The following KRT27 variants were observed in gnomAD, a reference collection of about 807,000 sequenced individuals.
KRT27 encodes keratin 27.
KRT27 carries 30 observed loss-of-function variants against 45.3 expected under a neutral mutation model. The observed-to-expected ratio is 0.66, with a 90% CI of 0.50 to 0.90. The LOEUF (loss-of-function observed/expected upper bound fraction) is 0.90, where lower values mean the gene tolerates loss of function less well. Among genes scored for constraint, KRT27 ranks in the 40% least tolerant of loss-of-function variants. The pLI, the probability that KRT27 is intolerant of heterozygous loss-of-function variation, is 0.00. For missense variants in KRT27, 610 were observed against 564.3 expected, an observed-to-expected ratio of 1.08 and a Z score of -0.82; for synonymous variants, 204 against 223.9, an observed-to-expected ratio of 0.91 and a Z score of 0.79.
In KRT27 at chr17:40,782,280, A is replaced by AG. The variant is rs775705164; in HGVS notation, c.213dup (p.Phe72LeufsTer5). 13 of 1,614,054 alleles carry AG rather than the reference A, an allele frequency of 8.1e-6. No individual in the cohort carries two copies. The highest frequency in any genetic ancestry group is 9.3e-6 in the Non-Finnish European group (11 of 1,180,014). ...AGGAGGCCGTGCTCATTCCCTGTGA[A>AG]GGCAGCACAGGAAGCACTTCCCCCG... is the stretch of plus-strand genomic sequence containing the variant. On this transcript the variant is annotated frameshift_variant, in exon 1 of 8. Coordinates refer to ENST00000301656, the MANE Select transcript of KRT27 (RefSeq NM_181537.4). LOFTEE classifies it high-confidence loss of function.
rs139257917 is a variant in KRT27, at chr17:40,777,612, C to T, written c.1093G>A (p.Glu365Lys). The T allele has an allele frequency of 3.1e-5, 50 of 1,614,108 alleles. No individual in the cohort carries two copies. Among genetic ancestry groups the T allele is most frequent in the African/African-American group, 2.4e-4 (18 of 75,042 alleles). The change falls in exon 6 of 8, where the codon GAG becomes AAG. Residue 365 changes from glutamate (E) to lysine (K), a missense_variant. Physicochemically the swap from Glu to Lys is moderately conservative, Grantham distance 56. Transcript: ENST00000301656. ...TGCTCATACTCGAGCTTCTGGCCCTCGGTCTCGGTTCTGACCTGGTGCAGC... is the reference window on the plus strand; with the variant it reads ...TGCTCATACTCGAGCTTCTGGCCCTTGGTCTCGGTTCTGACCTGGTGCAGC... ...EQLHQVRTETEGQKLEYEQLL... is the reference protein window; with the variant it reads ...EQLHQVRTETKGQKLEYEQLL...
rs2038277562 is a variant in KRT27, at chr17:40,777,690, A to T, written c.1015T>A (p.Tyr339Asn). ...TGGATCTGTGCCAGCTGTGCACAGT[A>T]GTTACTCTCGGTCTCTGTCAAGGAG... ...ECSLTETESN[Y>N]CAQLAQIQAQ... The change falls in exon 6 of 8, where the codon TAC (tyrosine) becomes AAC (asparagine). Residue 339 changes from tyrosine to asparagine, a missense_variant. Transcript: ENST00000301656. The T allele has an allele frequency of 1.2e-6, 2 of 1,614,114 alleles. No individual in the cohort carries two copies. The highest frequency in any genetic ancestry group is 4.5e-5 in the East Asian group (2 of 44,882).
chr17:40,780,716 G>A (rs1948543485), intron 2 of KRT27, among the ~76,000 whole-genome samples: 1 of 152,176 alleles, frequency 6.6e-6, no homozygotes, highest in South Asian at 2.1e-4. Flanking sequence ...GGGCGCAGTG[G>A]TGGGCGCCTG....
chr17:40,779,376 G>T, intron 5 of KRT27, 126 bp downstream of exon 5: 1 of 1,194,064 alleles, frequency 8.4e-7, no homozygotes. Context: ...ATGCAAATAT[G>T]TCTTATGTCA....
At position 40,779,549 on chromosome 17, in the gene KRT27, G is replaced by A. The variant is rs1449484740; in HGVS notation, c.925C>T (p.Arg309Cys). The A allele has an allele frequency of 2.5e-6, 4 of 1,614,232 alleles. No individual in the cohort carries two copies. Among genetic ancestry groups the A allele is most frequent in the Non-Finnish European group, 2.5e-6 (3 of 1,180,028 alleles). Residue 309 changes from arginine (R) to cysteine (C), a missense_variant, in exon 5 of 8, where the codon CGC (arginine) becomes TGC (cysteine). Arg to Cys is a radical substitution (Grantham distance 180). Transcript: ENST00000301656. The stretch of plus-strand genomic sequence containing the variant: ...TCAATCTCAAGGGTTTGAAGAGTGC[G>A]TTTCATCTCGATAAGCTCATTCCGG... ...SARNELIEMK[R>C]TLQTLEIELQ...
intron 3 of KRT27, 64 bp downstream of exon 3, chr17:40,780,236 C>T: frequency 1.4e-6 from 2 of 1,458,744 alleles, no homozygotes; most frequent in Non-Finnish European, 1.9e-6. Flanking sequence ...TATTTATCAT[C>T]TGAAATTAGT....
intron 6 of KRT27, 103 bp from the exon 7 acceptor site, chr17:40,777,405 A>T: frequency 6.6e-7 from 1 of 1,515,856 alleles, no homozygotes. Flanking sequence ...AATAACACTA[A>T]AAGAGTATTA....
chr17:40,781,207 C>T lies in KRT27; in HGVS notation c.508G>A (p.Ala170Thr), dbSNP rs766611501. 2 of 1,610,696 alleles carry T rather than the reference C, an allele frequency of 1.2e-6. No individual in the cohort carries two copies. Among genetic ancestry groups the T allele is most frequent in the East Asian group, 4.5e-5 (2 of 44,800 alleles). Residue 170 changes from alanine to threonine, a missense_variant, in exon 2 of 8, where the codon GCT becomes ACT. By Grantham distance (58) the Ala-to-Thr change is moderately conservative. Coordinates refer to ENST00000301656, the MANE Select transcript of KRT27 (RefSeq NM_181537.4). ...ACTTACTTTAGTCTGAAGTCATCAG[C>T]TGTTAGTCTTGCATTATCATTTTGC... ...VLQNDNARLTADDFRLKFENE... is the reference protein window; with the variant it reads ...VLQNDNARLTTDDFRLKFENE...
rs2038293697 is a variant in KRT27, at chr17:40,779,692, G to A, written c.846+8C>T. 1 of 1,613,494 alleles carries A rather than the reference G, an allele frequency of 6.2e-7. No homozygotes were observed. The highest frequency in any genetic ancestry group is 1.7e-5 in the Admixed American group (1 of 59,912). ...TCCGCGCCCGGGCGCACCCAAGCGT[G>A]GTTTTACCTTTTCGTTGAACCAGGC... is the stretch of plus-strand genomic sequence containing the variant. On this transcript the variant is annotated splice_region_variant and intron_variant, in intron 4 of 7. Coordinates refer to ENST00000301656, the MANE Select transcript of KRT27 (RefSeq NM_181537.4).
intron 5 of KRT27, chr17:40,777,969 A>G (rs1156395474): frequency 1.9e-6 from 1 of 530,686 alleles, no homozygotes; most frequent in East Asian, 3.4e-5. Context: ...TGTGCTAAAA[A>G]AGATGAAATT....
chr17:40,780,546 G>A (rs1412497044), intron 2 of KRT27, 90 bp from the exon 3 acceptor site: 9 of 1,215,080 alleles, frequency 7.4e-6, no homozygotes, highest in South Asian at 5.4e-5. Context: ...TAAGCTTTGA[G>A]GTAAAACTAC....
At chr17:40,781,332 G>T in intron 1 of KRT27, 62 bp from the exon 2 acceptor site, 2 of 949,784 alleles carry the variant, frequency 2.1e-6, no homozygotes, top group Non-Finnish European at 3.3e-6. Context: ...AAAGTTCCTT[G>T]AAATAAAATT....
rs776437171 is a variant in KRT27 at position 40,782,384 on chromosome 17, C to A, written c.110G>T (p.Gly37Val). The A allele has an allele frequency of 7.6e-5, 122 of 1,614,034 alleles. No homozygotes were observed. The highest frequency in any genetic ancestry group is 1.0e-4 in the Non-Finnish European group (118 of 1,180,044). The change falls in exon 1 of 8, where the codon GGT becomes GTT. Residue 37 changes from glycine to valine, a missense_variant. Physicochemically the swap from Gly to Val is moderately radical, Grantham distance 109. Coordinates refer to ENST00000301656, the MANE Select transcript of KRT27 (RefSeq NM_181537.4). Reference protein sequence around the residue: ...GAGFGAGNTCGVPGIGSGFSC... With the variant: ...GAGFGAGNTCVVPGIGSGFSC... ...GAAGCCACTTCCAATGCCTGGCACA[C>A]CGCATGTGTTTCCAGCCCCAAAGCC...
At position 40,777,000 on chromosome 17, in the gene KRT27, C is replaced by A. The variant is rs745847428; in HGVS notation, c.1379G>T (p.Ter460LeuextTer12). 6.2e-7 allele frequency: 1 copy of A among 1,605,460 alleles called. No homozygotes were observed. The highest frequency in any genetic ancestry group is 1.1e-5 in the South Asian group (1 of 90,214). Residue 460 changes from the stop codon to leucine (L), a stop_lost, in exon 8 of 8, where the codon TGA (stop) becomes TTA (leucine). Coordinates refer to ENST00000301656, the MANE Select transcript of KRT27 (RefSeq NM_181537.4). ...NNKNEQRVSS[*>L] ...CCATTCTGTCTCAGAGGCTGGAGTT[C>A]AGGAAGACACCCTCTGTTCATTCTT...
chr17:40,777,419 A>G (rs1051490984), intron 6 of KRT27, 96 bp downstream of exon 6: 7 of 1,521,996 alleles, frequency 4.6e-6, no homozygotes, highest in African/African-American at 1.4e-5. Context: ...AGTATTATCT[A>G]TGCGTGATCT....
chr17:40,777,769 C>G (rs1469985116), intron 5 of KRT27, 37 bp from the exon 6 acceptor site: 2 of 1,601,004 alleles, frequency 1.2e-6, no homozygotes, highest in African/African-American at 1.3e-5. Context: ...TAGAAAAGGT[C>G]ACGGTGTTTT....
Position 40,777,377 on chromosome 17 carries a change from G to C in KRT27, c.1191-75C>G. On this transcript the variant is annotated intron_variant, in intron 6 of 7. Transcript: ENST00000301656. ...ACTGAAAAATAATGATTTAAGGTGG[G>C]AATTCACTGCATTCTGAAATAACAC... 3 of 1,541,942 alleles carry C rather than the reference G, an allele frequency of 1.9e-6. No individual in the cohort carries two copies. The South Asian group carries it at 3.5e-5, about 18-fold the overall frequency.
intron 7 of KRT27, 43 bp downstream of exon 7, chr17:40,777,210 A>C (rs1325592103): frequency 6.2e-7 from 1 of 1,610,562 alleles, no homozygotes. Context: ...CATTTGAAAC[A>C]CATACAAATA....
At chr17:40,779,382 T>A (rs2038289692) in intron 5 of KRT27, 120 bp downstream of exon 5, 5 of 1,248,540 alleles carry the variant, frequency 4.0e-6, no homozygotes, top group Non-Finnish European at 5.5e-6. Flanking sequence ...ATATGTCTTA[T>A]GTCAAGCACT....
Sources: gnomAD v4.1 joint callset for allele counts (sites outside exome capture counted in the v4.1 genomes callset) on GRCh38, gnomAD v4.1.1 for gene constraint, MANE v1.5 for transcripts, NCBI Gene and HGNC (gene_info 2026-07-23, HGNC 2026-07-21) for gene names.